Variants in AGBL4 observed in about 807,000 individuals in gnomAD.
The protein encoded by AGBL4 is AGBL carboxypeptidase 4, also known as cytosolic carboxypeptidase 6.
AGBL4 carries 58 observed loss-of-function variants against 66.4 expected under a neutral mutation model. The ratio of observed to expected loss-of-function variants is 0.87; its 90% CI spans 0.71 to 1.09. The LOEUF is 1.09. Among genes scored for constraint, AGBL4 ranks in the 50% least tolerant of loss-of-function variants. AGBL4 has a pLI of 0.00. For missense variants in AGBL4, 579 were observed against 631.0 expected, an observed-to-expected ratio of 0.92 and a Z score of 0.88; for synonymous variants, 234 against 222.9, an observed-to-expected ratio of 1.05 and a Z score of -0.44.
chr1:49,924,931 T>C (rs1351757327), intron 1 of AGBL4, among the ~76,000 whole-genome samples: 1 of 152,146 alleles, frequency 6.6e-6, no homozygotes, highest in Non-Finnish European at 1.5e-5. Context: ...TCTGGGGTCC[T>C]AAATAAACTT....
intron 4 of AGBL4, among the ~76,000 whole-genome samples, chr1:49,152,281 C>T (rs1226045157): frequency 6.6e-6 from 1 of 152,198 alleles, no homozygotes; most frequent in Admixed American, 6.5e-5. Flanking sequence ...TGAATGGAAG[C>T]ACTCCCTTCC....
At chr1:49,950,102 A>G (rs542368494) in intron 1 of AGBL4, among the ~76,000 whole-genome samples, 3 of 143,180 alleles carry the variant, frequency 2.1e-5, no homozygotes, top group South Asian at 2.1e-4. Context: ...ATACACATAT[A>G]TATACATATG....
At chr1:49,155,211 A>G (rs1646407660) in intron 4 of AGBL4, among the ~76,000 whole-genome samples, 1 of 152,172 alleles carries the variant, frequency 6.6e-6, no homozygotes, top group Admixed American at 6.6e-5. Flanking sequence ...ATAATATCTT[A>G]CCTTTTTACA....
intron 1 of AGBL4, among the ~76,000 whole-genome samples, chr1:49,935,090 G>C (rs1344039013): frequency 6.6e-6 from 1 of 152,210 alleles, no homozygotes; most frequent in Non-Finnish European, 1.5e-5. Context: ...CAAAGAAAGG[G>C]GTGACAGACA....
At chr1:48,651,222 G>T (rs319991) in intron 8 of AGBL4, among the ~76,000 whole-genome samples, 1 of 151,878 alleles carries the variant, frequency 6.6e-6, no homozygotes, top group African/African-American at 2.4e-5. Flanking sequence ...GAAGCTTCAG[G>T]GTGAAACCAC....
intron 3 of AGBL4, among the ~76,000 whole-genome samples, chr1:49,694,907 T>A (rs1341189591): frequency 1.3e-5 from 2 of 152,266 alleles, no homozygotes. Context: ...ATAAGCTGTA[T>A]AAAGATAATC....
intron 9 of AGBL4, among the ~76,000 whole-genome samples, chr1:48,613,959 G>A (rs1052136148): frequency 2.0e-5 from 3 of 152,212 alleles, no homozygotes; most frequent in Admixed American, 6.5e-5. Flanking sequence ...ATAAATGGCT[G>A]TGTTAGTGGG....
At chr1:48,680,894 G>A (rs1376347934) in intron 6 of AGBL4, among the ~76,000 whole-genome samples, 1 of 152,184 alleles carries the variant, frequency 6.6e-6, no homozygotes, top group African/African-American at 2.4e-5. Flanking sequence ...CTGCTTGCAG[G>A]TAATAGAGAA....
intron 1 of AGBL4, among the ~76,000 whole-genome samples, chr1:49,892,225 A>G: frequency 6.6e-6 from 1 of 152,306 alleles, no homozygotes; most frequent in South Asian, 2.1e-4. Context: ...TTTAATAACT[A>G]TATTATCAAT....
intron 1 of AGBL4, among the ~76,000 whole-genome samples, chr1:49,863,396 T>A (rs1646622249): frequency 1.3e-5 from 2 of 152,172 alleles, no homozygotes. Context: ...AGCAATGTCC[T>A]ACAAACACAG....
chr1:49,382,023 T>A (rs1644626621), intron 3 of AGBL4, among the ~76,000 whole-genome samples: 1 of 151,588 alleles, frequency 6.6e-6, no homozygotes, highest in Non-Finnish European at 1.5e-5. Flanking sequence ...TAAAAAAAAA[T>A]ACAGTTCCTG....
chr1:49,397,627 T>C (rs1455187582), intron 3 of AGBL4, among the ~76,000 whole-genome samples: 11 of 152,152 alleles, frequency 7.2e-5, no homozygotes, highest in Admixed American at 7.2e-4. Context: ...AATGACAAAT[T>C]GGTAAAAAAG....
chr1:49,612,275 T>A (rs1463111002), intron 3 of AGBL4, among the ~76,000 whole-genome samples: 1 of 152,182 alleles, frequency 6.6e-6, no homozygotes, highest in Non-Finnish European at 1.5e-5. Context: ...AAGCTCACAG[T>A]CAAGCAAAGC....
At chr1:49,535,349 T>C (rs1026808369) in intron 3 of AGBL4, among the ~76,000 whole-genome samples, 3 of 147,894 alleles carry the variant, frequency 2.0e-5, no homozygotes, top group African/African-American at 7.4e-5. Context: ...TATGACATAA[T>C]AATATGTTAT....
intron 9 of AGBL4, among the ~76,000 whole-genome samples, chr1:48,608,617 C>T (rs935849942): frequency 6.6e-6 from 1 of 152,008 alleles, no homozygotes; most frequent in African/African-American, 2.4e-5. Context: ...ATGGACAAGA[C>T]AGGCAACTGG....
intron 6 of AGBL4, among the ~76,000 whole-genome samples, chr1:48,710,279 T>G (rs1427300094): frequency 1.3e-5 from 2 of 152,138 alleles, no homozygotes; most frequent in Non-Finnish European, 2.9e-5. Flanking sequence ...GACTCTGAGC[T>G]CTGAAGTTCC....
chr1:49,517,233 C>T (rs1649900919), intron 3 of AGBL4, among the ~76,000 whole-genome samples: 1 of 150,736 alleles, frequency 6.6e-6, no homozygotes. Context: ...TATCTAGTAT[C>T]AAGACCCAAA....
intron 3 of AGBL4, among the ~76,000 whole-genome samples, chr1:49,640,531 G>C (rs1645759845): frequency 6.6e-6 from 1 of 152,070 alleles, no homozygotes; most frequent in South Asian, 2.1e-4. Flanking sequence ...TTCCTGTCCT[G>C]CTTACTATAA....
At chr1:50,003,328 C>A (rs1389181980) in intron 1 of AGBL4, among the ~76,000 whole-genome samples, 1 of 152,180 alleles carries the variant, frequency 6.6e-6, no homozygotes, top group Non-Finnish European at 1.5e-5. Context: ...GTGGTTATTA[C>A]CCAGTGCATT....
Sources: allele counts gnomAD v4.1 joint callset (sites outside exome capture counted in the v4.1 genomes callset), GRCh38; gene constraint gnomAD v4.1.1; transcripts MANE v1.5; gene names NCBI Gene and HGNC (gene_info 2026-07-23, HGNC 2026-07-21).